C1QTNF7: variants seen among roughly 807,000 people sequenced by gnomAD.
C1QTNF7 encodes the protein C1q and TNF related 7.
Under a neutral mutation model 19.6 loss-of-function variants are expected in C1QTNF7, and 15 were observed. That is an observed-to-expected ratio of 0.76 (90% CI 0.51 to 1.18). C1QTNF7 has a LOEUF of 1.18. Among genes scored for constraint, C1QTNF7 ranks in the 50% most tolerant of loss-of-function variants. C1QTNF7 has a pLI of 0.00. For synonymous variants in C1QTNF7, 142 were observed against 137.5 expected, an observed-to-expected ratio of 1.03 and a Z score of -0.23; for missense variants, 324 against 359.7, an observed-to-expected ratio of 0.90 and a Z score of 0.80.
At chr4:15,366,856 C>A (rs180825526) in intron 1 of C1QTNF7, among the ~76,000 whole-genome samples, 1 of 152,082 alleles carries the variant, frequency 6.6e-6, no homozygotes, top group Non-Finnish European at 1.5e-5. Context: ...GTGACTCCTG[C>A]GGGCTGGCTG....
At chr4:15,377,960 A>G (rs1158699848) in intron 1 of C1QTNF7, among the ~76,000 whole-genome samples, 2 of 152,202 alleles carry the variant, frequency 1.3e-5, no homozygotes, top group Non-Finnish European at 2.9e-5. Flanking sequence ...CCTAAACATT[A>G]TTTTAGATAT....
At chr4:15,392,637 G>A (rs879800728) in intron 1 of C1QTNF7, among the ~76,000 whole-genome samples, 1 of 152,194 alleles carries the variant, frequency 6.6e-6, no homozygotes, top group Non-Finnish European at 1.5e-5. Context: ...GCATCTCTCA[G>A]GCACCGGCAG....
At chr4:15,355,628 G>T (rs1456610590) in intron 1 of C1QTNF7, among the ~76,000 whole-genome samples, 2 of 152,034 alleles carry the variant, frequency 1.3e-5, no homozygotes, top group Non-Finnish European at 2.9e-5. Flanking sequence ...CTCTTAAAGG[G>T]ATGGTAGGAG....
At chr4:15,434,850 G>C (rs138635450) in intron 1 of C1QTNF7, among the ~76,000 whole-genome samples, 249 of 152,292 alleles carry the variant, frequency 1.6e-3, no homozygotes, top group Non-Finnish European at 2.8e-3. Context: ...TTGAGCCCCA[G>C]TGCTAACAGC....
chr4:15,386,795 G>A (rs940303742), intron 1 of C1QTNF7, among the ~76,000 whole-genome samples: 7 of 152,200 alleles, frequency 4.6e-5, no homozygotes, highest in African/African-American at 1.7e-4. Context: ...CAGGCTTGAG[G>A]AGTGGCACAG....
intron 1 of C1QTNF7, among the ~76,000 whole-genome samples, chr4:15,345,737 A>C (rs566189204): frequency 6.6e-6 from 1 of 152,318 alleles, no homozygotes; most frequent in South Asian, 2.1e-4. Context: ...CAGATGATAA[A>C]ACAGCTTCTT....
At position 15,365,456 on chromosome 4, in the gene C1QTNF7, T is replaced by A. The variant is rs192565810; in HGVS notation, c.13+25249T>A. On this transcript the variant is annotated intron_variant, in intron 1 of 2. Coordinates refer to the C1QTNF7 transcript ENST00000295297. ...ACATTTGCCATCAAAAGAAGTTGAATATTGGTGATTTCACGTGGTTCAACT... is the reference window on the plus strand; with the variant it reads ...ACATTTGCCATCAAAAGAAGTTGAAAATTGGTGATTTCACGTGGTTCAACT... Among the ~76,000 whole-genome samples the A allele has an allele frequency of 2.3e-3, 354 of 152,306 alleles. 2 individuals carry two copies. Among genetic ancestry groups the A allele is most frequent in the Non-Finnish European group, 3.4e-3 (230 of 68,032 alleles).
intron 1 of C1QTNF7, among the ~76,000 whole-genome samples, chr4:15,357,290 C>T (rs1266915092): frequency 6.6e-6 from 1 of 152,064 alleles, no homozygotes; most frequent in Non-Finnish European, 1.5e-5. Flanking sequence ...GTAAGGAAGG[C>T]GTCCAGTTTC....
At chr4:15,354,778 G>A (rs191960892) in intron 1 of C1QTNF7, among the ~76,000 whole-genome samples, 1 of 152,088 alleles carries the variant, frequency 6.6e-6, no homozygotes, top group African/African-American at 2.4e-5. Context: ...GAGGGAAAAA[G>A]TAAGATTTTT....
intron 1 of C1QTNF7, among the ~76,000 whole-genome samples, chr4:15,395,067 C>T (rs970726377): frequency 2.0e-5 from 3 of 152,136 alleles, no homozygotes; most frequent in African/African-American, 4.8e-5. Flanking sequence ...CACAGGGCCA[C>T]ATGGGAAAGA....
intron 1 of C1QTNF7, among the ~76,000 whole-genome samples, chr4:15,356,652 T>C (rs1717156077): frequency 6.6e-6 from 1 of 152,230 alleles, no homozygotes; most frequent in Admixed American, 6.5e-5. Flanking sequence ...TTTCTGGTTC[T>C]AGATCCTTGA....
rs192937290 is a variant in C1QTNF7 at position 15,407,622 on chromosome 4, T to G, written c.14-28114T>G. Among the ~76,000 whole-genome samples, 26 of 152,286 alleles carry G rather than the reference T, an allele frequency of 1.7e-4. No homozygotes were observed. In the East Asian group the frequency reaches 4.0e-3, roughly 24 times the overall value. On this transcript the variant is annotated intron_variant, in intron 1 of 2. Coordinates refer to the C1QTNF7 transcript ENST00000295297. Reference sequence around the variant, plus strand: ...AAATAAGTCACAAAATGCAATGTGGTCTACTGAATTGGATCCTGGGAAAGA... The same window carrying G: ...AAATAAGTCACAAAATGCAATGTGGGCTACTGAATTGGATCCTGGGAAAGA...
At chr4:15,356,259 C>A (rs1360134901) in intron 1 of C1QTNF7, among the ~76,000 whole-genome samples, 2 of 152,240 alleles carry the variant, frequency 1.3e-5, no homozygotes, top group Admixed American at 1.3e-4. Context: ...TAGCCCCCAA[C>A]CCCCTGACGG....
intron 1 of C1QTNF7, among the ~76,000 whole-genome samples, chr4:15,377,222 A>G (rs1178563026): frequency 6.6e-6 from 1 of 152,206 alleles, no homozygotes; most frequent in African/African-American, 2.4e-5. Flanking sequence ...CCTGATAGAG[A>G]TGAGAAATTT....
upstream of C1QTNF7, among the ~76,000 whole-genome samples, chr4:15,425,126 A>C (rs1290641621): frequency 6.6e-6 from 1 of 152,058 alleles, no homozygotes; most frequent in Non-Finnish European, 1.5e-5. Flanking sequence ...CCCGGTTTGT[A>C]AGGACAAGCA....
intron 1 of C1QTNF7, among the ~76,000 whole-genome samples, chr4:15,416,846 T>C (rs1035222630): frequency 6.6e-6 from 1 of 152,218 alleles, no homozygotes; most frequent in African/African-American, 2.4e-5. Context: ...CTTCCTCTTA[T>C]GTTAAAAGTC....
In C1QTNF7 at chr4:15,445,653, C is replaced by A. The variant is rs1164267810; in HGVS notation, c.*2854C>A. The A allele has an allele frequency of 6.6e-6, 1 of 152,146 alleles. No individual in the cohort carries two copies. The highest frequency in any genetic ancestry group is 1.5e-5 in the Non-Finnish European group (1 of 68,010). 9.4% of individuals were successfully genotyped at this position (152,146 alleles called of 1,614,324 possible). On this transcript the variant is annotated 3_prime_UTR_variant, in exon 3 of 3. Coordinates refer to ENST00000444304, the MANE Select transcript of C1QTNF7 (RefSeq NM_031911.5). ...TAAAATCTTAAGCAAATATAGGTGT[C>A]TTTTATTCTTAAAAAATAGCAGATA...
intron 1 of C1QTNF7, among the ~76,000 whole-genome samples, chr4:15,346,531 T>C (rs911873410): frequency 6.6e-6 from 1 of 152,170 alleles, no homozygotes; most frequent in South Asian, 2.1e-4. Context: ...ACAGCTAACA[T>C]GCCCCAAACA....
upstream of C1QTNF7, among the ~76,000 whole-genome samples, chr4:15,426,023 C>T (rs533901029): frequency 1.1e-3 from 167 of 152,218 alleles, no homozygotes; most frequent in African/African-American, 3.7e-3. Context: ...CTAACAAAAG[C>T]TACAAATCTG....
Sources: allele counts gnomAD v4.1 joint callset (sites outside exome capture counted in the v4.1 genomes callset), GRCh38; gene constraint gnomAD v4.1.1; transcripts MANE v1.5; gene names NCBI Gene and HGNC (gene_info 2026-07-23, HGNC 2026-07-21).